The following UNC5D variants were observed in gnomAD, a reference collection of about 807,000 sequenced individuals.
UNC5D encodes the protein unc-5 netrin receptor D.
Under a neutral mutation model 105.4 loss-of-function variants are expected in UNC5D, and 39 were observed. The ratio of observed to expected loss-of-function variants is 0.37; its 90% CI spans 0.29 to 0.48. UNC5D has a LOEUF of 0.48. Ranked by LOEUF, UNC5D falls within the 20% of genes least tolerant of loss-of-function variation. UNC5D has a pLI of 0.98. For missense variants in UNC5D, 991 were observed against 1,202.4 expected, an observed-to-expected ratio of 0.82 and a Z score of 2.60; for synonymous variants, 452 against 450.4, an observed-to-expected ratio of 1.00 and a Z score of -0.04.
chr8:35,587,959 T>TATA (rs1300466684), intron 3 of UNC5D, among the ~76,000 whole-genome samples: 2 of 76,174 alleles, frequency 2.6e-5, no homozygotes, highest in Admixed American at 1.9e-4. Context: ...TTCCTATAAC[T>TATA]ATAATAATAT....
intron 3 of UNC5D, among the ~76,000 whole-genome samples, chr8:35,577,373 A>G (rs961861861): frequency 2.0e-5 from 3 of 152,126 alleles, no homozygotes; most frequent in African/African-American, 7.2e-5. Flanking sequence ...TTTGTCTTTG[A>G]TGATGTTGTG....
At chr8:35,688,464 T>C (rs1826171331) in intron 7 of UNC5D, among the ~76,000 whole-genome samples, 1 of 152,194 alleles carries the variant, frequency 6.6e-6, no homozygotes, top group South Asian at 2.1e-4. Context: ...GATTAGTACA[T>C]TGAAATGAGC....
intron 15 of UNC5D, among the ~76,000 whole-genome samples, chr8:35,768,146 C>T (rs983879094): frequency 3.3e-5 from 5 of 151,576 alleles, no homozygotes; most frequent in Middle Eastern, 3.4e-3. Flanking sequence ...AGCATTATTC[C>T]TTCTCTCTAT....
chr8:35,251,029 G>T (rs778822786), intron 1 of UNC5D, among the ~76,000 whole-genome samples: 2 of 152,170 alleles, frequency 1.3e-5, no homozygotes, highest in Non-Finnish European at 2.9e-5. Flanking sequence ...GAGAATTCAA[G>T]AAGTTATTTG....
At chr8:35,283,761 G>A (rs895620101) in intron 1 of UNC5D, among the ~76,000 whole-genome samples, 10 of 150,224 alleles carry the variant, frequency 6.7e-5, no homozygotes, top group African/African-American at 2.0e-4. Flanking sequence ...CTGAGATTGC[G>A]CCACTACACT....
intron 13 of UNC5D, among the ~76,000 whole-genome samples, chr8:35,751,855 G>C (rs1830295145): frequency 6.6e-6 from 1 of 152,148 alleles, no homozygotes; most frequent in Non-Finnish European, 1.5e-5. Flanking sequence ...ACGGAGAAGA[G>C]TTTTTGGGAA....
chr8:35,624,089 A>T (rs1159075406), intron 4 of UNC5D, among the ~76,000 whole-genome samples: 1 of 152,216 alleles, frequency 6.6e-6, no homozygotes, highest in Non-Finnish European at 1.5e-5. Flanking sequence ...CAAAAAGAAA[A>T]AAAAATTCAT....
intron 1 of UNC5D, among the ~76,000 whole-genome samples, chr8:35,483,573 T>C (rs143062775): frequency 1.6e-4 from 25 of 152,290 alleles, no homozygotes; most frequent in Admixed American, 5.2e-4. Context: ...TTTCAGGACA[T>C]AGAACGTTTT....
intron 1 of UNC5D, among the ~76,000 whole-genome samples, chr8:35,376,812 A>G (rs1271005794): frequency 6.6e-6 from 1 of 152,132 alleles, no homozygotes; most frequent in African/African-American, 2.4e-5. Context: ...TCTTCTCCAC[A>G]CACTTGTTCA....
In UNC5D at chr8:35,706,306, G is replaced by T. The variant is rs139807600; in HGVS notation, c.1117+345G>T. On this transcript the variant is annotated intron_variant, in intron 8 of 16. Coordinates refer to ENST00000404895, the MANE Select transcript of UNC5D (RefSeq NM_080872.4). ...CACACTTTCTTGAGAGCAGCCTTGG[G>T]CAAAAGCCTGACTACAAGTCTCTCC... is the stretch of plus-strand genomic sequence containing the variant. 6.6e-3 allele frequency among the ~76,000 whole-genome samples: 1,011 copies of T among 152,206 alleles called. 7 individuals carry two copies. The highest frequency in any genetic ancestry group is 0.014 in the Middle Eastern group (4 of 294).
intron 13 of UNC5D, among the ~76,000 whole-genome samples, chr8:35,754,473 G>A (rs1311441927): frequency 6.6e-6 from 1 of 152,200 alleles, no homozygotes; most frequent in Non-Finnish European, 1.5e-5. Context: ...CTGGGGTTAA[G>A]TGCGGGGTTG....
At chr8:35,553,337 T>G (rs1816303867) in intron 2 of UNC5D, among the ~76,000 whole-genome samples, 1 of 150,754 alleles carries the variant, frequency 6.6e-6, no homozygotes, top group African/African-American at 2.4e-5. Context: ...TGTAGAAATC[T>G]CCTCCTCTCT....
chr8:35,711,423 G>A (rs60198160), intron 8 of UNC5D, among the ~76,000 whole-genome samples: 15 of 151,508 alleles, frequency 9.9e-5, no homozygotes, highest in African/African-American at 2.2e-4. Context: ...CAGGTGATCC[G>A]CCTGCCTTAA....
At chr8:35,716,662 C>G (rs1178536079) in intron 8 of UNC5D, among the ~76,000 whole-genome samples, 2 of 152,126 alleles carry the variant, frequency 1.3e-5, no homozygotes, top group Non-Finnish European at 2.9e-5. Context: ...CTACTATTGT[C>G]ATTAATTACA....
chr8:35,480,544 C>T (rs1810417293), intron 1 of UNC5D, among the ~76,000 whole-genome samples: 1 of 152,088 alleles, frequency 6.6e-6, no homozygotes, highest in African/African-American at 2.4e-5. Flanking sequence ...TTCACTCCTA[C>T]TTGTTATTGC....
chr8:35,791,119 C>T lies in UNC5D; in HGVS notation c.*556C>T, dbSNP rs1803021126. Reference sequence around the variant, plus strand: ...AGAATCTGAGCACATCACACCAGCACCAGCTCCCTGTCTCTTCTAGCCACT... The same window carrying T: ...AGAATCTGAGCACATCACACCAGCATCAGCTCCCTGTCTCTTCTAGCCACT... On this transcript the variant is annotated 3_prime_UTR_variant, in exon 17 of 17. Coordinates refer to ENST00000404895, the MANE Select transcript of UNC5D (RefSeq NM_080872.4). 5.9e-6 allele frequency: 1 copy of T among 168,490 alleles called. No homozygotes were observed. The highest frequency in any genetic ancestry group is 5.5e-5 in the Admixed American group (1 of 18,210). The allele number at this position is 168,490 out of a possible 1,614,324, so 10.4% of individuals were successfully genotyped here.
At chr8:35,300,917 A>G (rs1407200210) in intron 1 of UNC5D, among the ~76,000 whole-genome samples, 2 of 152,198 alleles carry the variant, frequency 1.3e-5, no homozygotes, top group Non-Finnish European at 2.9e-5. Context: ...ATATGAATGC[A>G]TAGGTTTTCA....
intron 4 of UNC5D, among the ~76,000 whole-genome samples, chr8:35,635,087 A>G (rs1210468645): frequency 6.6e-6 from 1 of 152,162 alleles, no homozygotes; most frequent in African/African-American, 2.4e-5. Flanking sequence ...AAAAAGTTAC[A>G]CAAATTTGAC....
intron 1 of UNC5D, among the ~76,000 whole-genome samples, chr8:35,305,593 C>CTCTTTCTTTCTTTCTTTCTTTCTTTCA (rs1808302557): frequency 8.4e-5 from 12 of 142,022 alleles, no homozygotes; most frequent in Admixed American, 7.0e-4. Context: ...TTCTTTCTTT[C>CTCTTTCTTTCTTTCTTTCTTTCTTTCA]TTTCTTTCTT....
Sources: gnomAD v4.1 joint callset for allele counts (sites outside exome capture counted in the v4.1 genomes callset) on GRCh38, gnomAD v4.1.1 for gene constraint, MANE v1.5 for transcripts, NCBI Gene and HGNC (gene_info 2026-07-23, HGNC 2026-07-21) for gene names.